ACTN1: variants seen among roughly 807,000 people sequenced by gnomAD.
ACTN1 encodes the protein actinin alpha 1, also known as alpha-actinin-1.
ACTN1 carries 30 observed loss-of-function variants against 119.6 expected under a neutral mutation model. That is an observed-to-expected ratio of 0.25 (90% CI 0.19 to 0.34). The LOEUF (loss-of-function observed/expected upper bound fraction) is 0.34, where lower values mean the gene tolerates loss of function less well. Ranked by LOEUF, ACTN1 falls within the 10% of genes least tolerant of loss-of-function variation. The pLI is 1.00. For missense variants in ACTN1, 764 were observed against 1,223.4 expected, an observed-to-expected ratio of 0.62 and a Z score of 5.60; for synonymous variants, 429 against 472.6, an observed-to-expected ratio of 0.91 and a Z score of 1.20.
intron 8 of ACTN1, among the ~76,000 whole-genome samples, chr14:68,898,568 A>C (rs2033042872): frequency 6.6e-6 from 1 of 152,122 alleles, no homozygotes; most frequent in Non-Finnish European, 1.5e-5. Context: ...CCGGAGACAG[A>C]CAAGACAGGA....
At chr14:68,890,399 T>C in intron 10 of ACTN1, 113 bp from the exon 11 acceptor site, 1 of 1,259,932 alleles carries the variant, frequency 7.9e-7, no homozygotes, top group Admixed American at 2.4e-5. Flanking sequence ...GCCTCTTCCC[T>C]ATCTCTGCCC....
At chr14:68,941,849 C>T (rs2035770688) in intron 1 of ACTN1, among the ~76,000 whole-genome samples, 1 of 152,128 alleles carries the variant, frequency 6.6e-6, no homozygotes, top group Non-Finnish European at 1.5e-5. Flanking sequence ...CTAGCAGGAT[C>T]CAGCAGGCAC....
intron 1 of ACTN1, among the ~76,000 whole-genome samples, chr14:68,951,793 G>A (rs1159405245): frequency 1.3e-4 from 20 of 152,202 alleles, no homozygotes; most frequent in Admixed American, 1.3e-3. Context: ...TGCAGCACCA[G>A]TGTCCCCACC....
intron 9 of ACTN1, among the ~76,000 whole-genome samples, chr14:68,893,215 G>A (rs1257710640): frequency 1.3e-5 from 2 of 152,178 alleles, no homozygotes; most frequent in African/African-American, 4.8e-5. Flanking sequence ...TCCCTGAACA[G>A]TAGGGGACAG....
rs753725900 is a variant in ACTN1, at chr14:68,932,513, C to CTTTTT, written c.106-6846_106-6842dup. ...AGAGAACCCTGACTAATACACCCAG[C>CTTTTT]TTTTTTTTTTTTTTTTTTTTTTTTT... On this transcript the variant is annotated intron_variant, in intron 1 of 21. Coordinates refer to ENST00000394419, the MANE Select transcript of ACTN1 (RefSeq NM_001130004.2). Among the ~76,000 whole-genome samples, 7 of 87,294 alleles carry CTTTTT rather than the reference C, an allele frequency of 8.0e-5. No homozygotes were observed. In the East Asian group the frequency reaches 3.9e-3, roughly 48 times the overall value. The allele number at this position is 87,294 out of a possible 152,430, so 57.3% of individuals were successfully genotyped here.
chr14:68,891,223 G>A (rs181482), intron 10 of ACTN1, among the ~76,000 whole-genome samples: 24,354 of 152,116 alleles, frequency 0.16, 2,717 homozygotes, highest in East Asian at 0.6. Context: ...AAAAAGCTGC[G>A]TCATGGCAAA....
In ACTN1 at chr14:68,925,379, C is replaced by T. The variant is rs2034871614; in HGVS notation, c.220+179G>A. 6.7e-6 allele frequency among the ~76,000 whole-genome samples: 1 copy of T among 149,082 alleles called. No homozygotes were observed. The highest frequency in any genetic ancestry group is 1.5e-5 in the Non-Finnish European group (1 of 67,692). ...GATGCTGAAACAAATGTCCAAGGCACCTGGATGGCTGGCAGCAGAACCAGA... is the reference window on the plus strand; with the variant it reads ...GATGCTGAAACAAATGTCCAAGGCATCTGGATGGCTGGCAGCAGAACCAGA... On this transcript the variant is annotated intron_variant, in intron 2 of 21. Transcript: ENST00000394419. The surrounding 1 kb of genome is among the most constrained non-coding windows in gnomAD (Gnocchi z 4.3).
At chr14:68,963,503 T>C (rs188223379) in intron 1 of ACTN1, among the ~76,000 whole-genome samples, 1 of 152,352 alleles carries the variant, frequency 6.6e-6, no homozygotes, top group Admixed American at 6.5e-5. Flanking sequence ...GTAGATGAAC[T>C]AGGGCTGGCT....
intron 1 of ACTN1, among the ~76,000 whole-genome samples, chr14:68,953,708 C>A (rs909398915): frequency 3.5e-4 from 53 of 150,668 alleles, no homozygotes. Context: ...GAAACCCCAT[C>A]TCTACTAAAA....
chr14:68,906,000 C>A (rs114521719), intron 6 of ACTN1, among the ~76,000 whole-genome samples: 12 of 143,092 alleles, frequency 8.4e-5, no homozygotes, highest in African/African-American at 7.9e-5. Flanking sequence ...AAAAAAAAAA[C>A]AGCAAACACC....
In ACTN1 at chr14:68,957,506, G is replaced by A. The variant is rs567317730; in HGVS notation, c.105+21446C>T. Reference sequence around the variant, plus strand: ...CCCATTCTGGCATTTAAAGCCATCCGGGAACTCTTTGATCAGTCATTACAG... The same window carrying A: ...CCCATTCTGGCATTTAAAGCCATCCAGGAACTCTTTGATCAGTCATTACAG... On this transcript the variant is annotated intron_variant, in intron 1 of 21. Transcript: ENST00000394419. Among the ~76,000 whole-genome samples the A allele has an allele frequency of 8.5e-5, 13 of 152,334 alleles. 1 individual carries two copies. The highest frequency in any genetic ancestry group is 5.8e-4 in the East Asian group (3 of 5,186).
intron 9 of ACTN1, among the ~76,000 whole-genome samples, chr14:68,892,852 A>G (rs1476334164): frequency 6.6e-6 from 1 of 152,076 alleles, no homozygotes; most frequent in Non-Finnish European, 1.5e-5. Flanking sequence ...GGTGCACATG[A>G]CAATAGGAAT....
intron 16 of ACTN1, among the ~76,000 whole-genome samples, chr14:68,881,372 G>A (rs963537182): frequency 5.9e-5 from 9 of 152,010 alleles, no homozygotes; most frequent in East Asian, 5.8e-4. Context: ...TCGTAGCCTC[G>A]GCAGACCTCA....
At chr14:68,891,974 T>G in intron 10 of ACTN1, 79 bp downstream of exon 10, 1 of 1,545,286 alleles carries the variant, frequency 6.5e-7, no homozygotes, top group Non-Finnish European at 8.7e-7. Flanking sequence ...CCCATAAAGC[T>G]GAATTTGACC....
chr14:68,899,033 A>AC (rs544507987), intron 8 of ACTN1, among the ~76,000 whole-genome samples: 6 of 131,916 alleles, frequency 4.5e-5, no homozygotes, highest in Admixed American at 3.0e-4. Context: ...CACCACACAC[A>AC]CACACATGCC....
intron 1 of ACTN1, among the ~76,000 whole-genome samples, chr14:68,937,482 G>A (rs2140472462): frequency 6.6e-6 from 1 of 152,230 alleles, no homozygotes; most frequent in East Asian, 1.9e-4. Context: ...TAGGGAAAAG[G>A]CTCTGAAGAA....
At chr14:68,931,767 C>T (rs988775931) in intron 1 of ACTN1, among the ~76,000 whole-genome samples, 27 of 152,136 alleles carry the variant, frequency 1.8e-4, no homozygotes, top group Admixed American at 1.7e-3. Flanking sequence ...AAAATGGGAG[C>T]TACTATTCTT....
At chr14:68,932,875 CA>C (rs2035290578) in intron 1 of ACTN1, among the ~76,000 whole-genome samples, 1 of 152,078 alleles carries the variant, frequency 6.6e-6, no homozygotes, top group African/African-American at 2.4e-5. Flanking sequence ...CTATGACAAG[CA>C]AAATTCACCC....
rs867352977 is a variant in ACTN1, at chr14:68,874,959, C to G, written c.2645G>C (p.Cys882Ser). The G allele has an allele frequency of 6.2e-7, 1 of 1,613,692 alleles. No individual in the cohort carries two copies. Among genetic ancestry groups the G allele is most frequent in the Non-Finnish European group, 8.5e-7 (1 of 1,179,996 alleles). Residue 882 changes from cysteine to serine, a missense_variant, in exon 22 of 22, where the codon TGC becomes TCC. This residue lies in a region of ACTN1 where 102 missense variants were observed against 78.2 expected (regional missense o/e 1.30). Transcript: ENST00000394419. ...GGTGTAGGGGGCCATCCGCGCGATG[C>G]AGTACTCAGCCTGGTCGGGTGGCAG... The part of the protein sequence containing the change: ...RELPPDQAEY[C>S]IARMAPYTGP...
Sources: gnomAD v4.1 joint callset for allele counts (sites outside exome capture counted in the v4.1 genomes callset) on GRCh38, gnomAD v4.1.1 for gene constraint, gnomAD v4.1.1 regional missense constraint, Gnocchi (gnomAD v3.1) non-coding constraint, MANE v1.5 for transcripts, NCBI Gene and HGNC (gene_info 2026-07-23, HGNC 2026-07-21) for gene names.